The following HIVEP1 variants were observed in gnomAD, a reference collection of about 807,000 sequenced individuals.
HIVEP1 encodes the protein zinc finger protein 40.
Under a neutral mutation model 180.0 loss-of-function variants are expected in HIVEP1, and 36 were observed. The observed-to-expected ratio is 0.20, with a 90% CI of 0.15 to 0.26. HIVEP1 has a LOEUF of 0.26. Ranked by LOEUF, HIVEP1 falls within the 10% of genes least tolerant of loss-of-function variation. The pLI is 1.00. For missense variants in HIVEP1, 3,143 were observed against 3,268.7 expected, an observed-to-expected ratio of 0.96 and a Z score of 0.94; for synonymous variants, 1,239 against 1,239.0, an observed-to-expected ratio of 1.00 and a Z score of 0.00.
At chr6:12,158,836 CAG>C (rs1162101686) in intron 7 of HIVEP1, among the ~76,000 whole-genome samples, 2 of 152,172 alleles carry the variant, frequency 1.3e-5, no homozygotes, top group Non-Finnish European at 2.9e-5. Context: ...CTGGTGGAGA[CAG>C]GGGAGATGGA....
Position 12,127,238 on chromosome 6 carries a change from A to G in HIVEP1, c.6075+1368A>G, listed in dbSNP as rs536742564. Among the ~76,000 whole-genome samples, 3 of 152,366 alleles carry G rather than the reference A, an allele frequency of 2.0e-5. No homozygotes were observed. In the South Asian group the frequency reaches 6.2e-4, roughly 32 times the overall value. On this transcript the variant is annotated intron_variant, in intron 4 of 8. Transcript: ENST00000379388. ...ACTTGGTTCATTTAAAGAACTCTGAAGAGTCTGGCCTGGTTAAAAAGAGTT... is the reference window on the plus strand; with the variant it reads ...ACTTGGTTCATTTAAAGAACTCTGAGGAGTCTGGCCTGGTTAAAAAGAGTT...
At chr6:12,171,980 C>T in the HIVEP1 span, among the ~76,000 whole-genome samples, 2 of 152,102 alleles carry the variant, frequency 1.3e-5, no homozygotes, top group Non-Finnish European at 1.5e-5. Flanking sequence ...TCCAAGAGCT[C>T]GGACTCTGAC....
At chr6:12,023,445 T>C (rs184513669) in intron 2 of HIVEP1, among the ~76,000 whole-genome samples, 1 of 152,190 alleles carries the variant, frequency 6.6e-6, no homozygotes, top group South Asian at 2.1e-4. Context: ...ATCAAAAATC[T>C]TGTAGTGGAA....
chr6:12,078,705 TAAACACACACAC>T, intron 2 of HIVEP1, among the ~76,000 whole-genome samples: 1 of 124,242 alleles, frequency 8.0e-6, no homozygotes, highest in Admixed American at 7.9e-5. Flanking sequence ...AACATATATA[TAAACACACACAC>T]ACATATATAT....
the HIVEP1 span, among the ~76,000 whole-genome samples, chr6:12,202,584 A>G: frequency 6.6e-6 from 1 of 152,180 alleles, no homozygotes; most frequent in Non-Finnish European, 1.5e-5. Flanking sequence ...TTTCTGGATT[A>G]CTTTTTCTCT....
At chr6:12,160,966 T>C (rs977489526) in intron 7 of HIVEP1, among the ~76,000 whole-genome samples, 2 of 152,228 alleles carry the variant, frequency 1.3e-5, no homozygotes, top group African/African-American at 2.4e-5. Context: ...AAAGAAAATG[T>C]ATGTTGCTCA....
At chr6:12,178,752 C>T in the HIVEP1 span, among the ~76,000 whole-genome samples, 6 of 152,134 alleles carry the variant, frequency 3.9e-5, no homozygotes, top group African/African-American at 1.4e-4. Context: ...TCCCTTACAT[C>T]AGCTCTAGAG....
intron 2 of HIVEP1, among the ~76,000 whole-genome samples, chr6:12,056,837 G>A (rs1770908013): frequency 6.7e-6 from 1 of 149,508 alleles, no homozygotes; most frequent in Non-Finnish European, 1.5e-5. Flanking sequence ...ATGGTTTTTT[G>A]TTTTTGTTTT....
intron 2 of HIVEP1, among the ~76,000 whole-genome samples, chr6:12,041,514 T>C (rs1439222418): frequency 1.3e-5 from 2 of 151,758 alleles, no homozygotes; most frequent in African/African-American, 4.8e-5. Context: ...TTTTTTTTTT[T>C]TTCCTTCCCC....
chr6:12,080,547 G>T (rs1228648063), intron 2 of HIVEP1, among the ~76,000 whole-genome samples: 1 of 152,108 alleles, frequency 6.6e-6, no homozygotes, highest in Non-Finnish European at 1.5e-5. Flanking sequence ...GTGTGTCTGT[G>T]TACATTTTGT....
rs766662406 is a variant in HIVEP1, at chr6:12,129,815, T to G, written c.6132T>G (p.Ser2044=). ...TVVEFSNKDA[S]EINSEQDKEN... ...TTGAATTCAGCAATAAAGATGCCTCTGAAATTAACAGTGAGCAAGATAAAG... is the reference window on the plus strand; with the variant it reads ...TTGAATTCAGCAATAAAGATGCCTCGGAAATTAACAGTGAGCAAGATAAAG... Residue 2044 remains serine (S), a synonymous_variant, in exon 5 of 9, where the codon TCT becomes TCG. Transcript: ENST00000379388. 1 of 1,593,162 alleles carries G rather than the reference T, an allele frequency of 6.3e-7. No homozygotes were observed. Among genetic ancestry groups the G allele is most frequent in the South Asian group, 1.1e-5 (1 of 90,634 alleles).
intron 7 of HIVEP1, among the ~76,000 whole-genome samples, chr6:12,147,228 G>A (rs1167014107): frequency 1.3e-5 from 2 of 152,120 alleles, no homozygotes; most frequent in African/African-American, 2.4e-5. Flanking sequence ...CACTGGGCTT[G>A]GATACAATGA....
At chr6:12,198,787 A>C in the HIVEP1 span, among the ~76,000 whole-genome samples, 1 of 152,328 alleles carries the variant, frequency 6.6e-6, no homozygotes, top group African/African-American at 2.4e-5. Flanking sequence ...CTTCTGGGGC[A>C]ATCTGCTTTA....
At chr6:12,134,898 C>G (rs554150972) in intron 6 of HIVEP1, among the ~76,000 whole-genome samples, 4 of 152,298 alleles carry the variant, frequency 2.6e-5, no homozygotes, top group African/African-American at 9.6e-5. Context: ...ACAGGAAATG[C>G]TTTCTCTTAT....
intron 2 of HIVEP1, among the ~76,000 whole-genome samples, chr6:12,061,736 A>G (rs1342880366): frequency 1.3e-5 from 2 of 152,166 alleles, no homozygotes; most frequent in African/African-American, 4.8e-5. Context: ...TATGAAAATT[A>G]TATTTGTCTT....
intron 2 of HIVEP1, among the ~76,000 whole-genome samples, chr6:12,023,322 G>A (rs187916496): frequency 1.3e-5 from 2 of 152,104 alleles, no homozygotes; most frequent in East Asian, 3.9e-4. Flanking sequence ...CTGATAAGTG[G>A]AGTAGGTTTA....
chr6:12,097,579 T>C (rs72826082), intron 3 of HIVEP1, among the ~76,000 whole-genome samples: 31 of 152,288 alleles, frequency 2.0e-4, no homozygotes, highest in Non-Finnish European at 4.4e-4. Flanking sequence ...TCTTACGAAG[T>C]ATTCTCTTAG....
chr6:12,079,362 T>C (rs116746962), intron 2 of HIVEP1, among the ~76,000 whole-genome samples: 1,591 of 152,296 alleles, frequency 0.01, 30 homozygotes, highest in African/African-American at 0.036. Context: ...TTTGGTTTAA[T>C]ACCTATTAAA....
In HIVEP1 at chr6:12,161,500, A is replaced by C. The variant is rs766790432; in HGVS notation, c.6549A>C (p.Pro2183=). ...SGYDLEESDG[P]DEDDNENEDD... ...ATGATCTTGAAGAATCTGATGGCCC[A>C]GATGAGGATGACAATGAAAATGAAG... Residue 2183 remains proline, a synonymous_variant, in exon 8 of 9, where the codon CCA becomes CCC. Coordinates refer to ENST00000379388, the MANE Select transcript of HIVEP1 (RefSeq NM_002114.4). 2 of 1,614,086 alleles carry C rather than the reference A, an allele frequency of 1.2e-6. No individual in the cohort carries two copies. Among genetic ancestry groups the C allele is most frequent in the Non-Finnish European group, 1.7e-6 (2 of 1,179,892 alleles).
Sources: gnomAD v4.1 joint callset for allele counts (sites outside exome capture counted in the v4.1 genomes callset) on GRCh38, gnomAD v4.1.1 for gene constraint, MANE v1.5 for transcripts, NCBI Gene and HGNC (gene_info 2026-07-23, HGNC 2026-07-21) for gene names.